The following MYT1L variants were observed in gnomAD, a reference collection of about 807,000 sequenced individuals.
MYT1L encodes the protein myelin transcription factor 1 like.
MYT1L carries 12 observed loss-of-function variants against 126.7 expected under a neutral mutation model. That is an observed-to-expected ratio of 0.09 (90% confidence interval 0.06 to 0.15). The LOEUF (loss-of-function observed/expected upper bound fraction) is 0.15. Ranked by LOEUF, MYT1L falls within the 10% of genes least tolerant of loss-of-function variation. The pLI is 1.00. For missense variants in MYT1L, 979 were observed against 1,585.2 expected, an observed-to-expected ratio of 0.62 and a Z score of 6.49; for synonymous variants, 541 against 604.2, an observed-to-expected ratio of 0.90 and a Z score of 1.53.
chr2:2,197,323 T>C (rs2092842565), intron 2 of MYT1L, among the ~76,000 whole-genome samples: 1 of 152,324 alleles, frequency 6.6e-6, no homozygotes, highest in East Asian at 1.9e-4. Context: ...CCTTGATTTA[T>C]AATTTTAAAA....
chr2:2,325,193 G>T (rs922385809), intron 1 of MYT1L: 1 of 152,148 alleles, frequency 6.6e-6, no homozygotes, highest in African/African-American at 2.4e-5. Context: ...ATTTTAGATG[G>T]CATTGCTGGT....
chr2:1,904,366 T>A (rs966205184), intron 13 of MYT1L, among the ~76,000 whole-genome samples: 2 of 151,918 alleles, frequency 1.3e-5, no homozygotes, highest in Admixed American at 1.3e-4. Context: ...AGACACATTC[T>A]TTTTTTTGTT....
chr2:2,245,783 C>T (rs762225156), intron 2 of MYT1L, among the ~76,000 whole-genome samples: 4 of 152,132 alleles, frequency 2.6e-5, no homozygotes, highest in Non-Finnish European at 5.9e-5. Context: ...AATCATCCTC[C>T]TCCATAATTC....
At chr2:2,182,712 T>A (rs1175249084) in intron 2 of MYT1L, among the ~76,000 whole-genome samples, 1 of 152,206 alleles carries the variant, frequency 6.6e-6, no homozygotes, top group East Asian at 1.9e-4. Flanking sequence ...TTGTTGTGGA[T>A]GTCTCCCTTT....
chr2:2,200,632 ATGGG>A (rs1263140065), intron 2 of MYT1L, among the ~76,000 whole-genome samples: 1 of 152,234 alleles, frequency 6.6e-6, no homozygotes, highest in Non-Finnish European at 1.5e-5. Context: ...GACATGGGCC[ATGGG>A]TGACAGCACT....
chr2:2,156,773 G>C (rs1259937568), intron 3 of MYT1L, among the ~76,000 whole-genome samples: 1 of 152,140 alleles, frequency 6.6e-6, no homozygotes, highest in African/African-American at 2.4e-5. Flanking sequence ...ATCACAAGAG[G>C]GTCCCTCCCA....
chr2:2,330,453 A>G (rs1312118187), intron 1 of MYT1L, among the ~76,000 whole-genome samples: 3 of 152,222 alleles, frequency 2.0e-5, no homozygotes, highest in Non-Finnish European at 4.4e-5. Context: ...GTTATAAATA[A>G]CATTTTCTTT....
rs185126098 is a variant in MYT1L at position 2,000,509 on chromosome 2, C to T, written c.-157-3162G>A. On this transcript the variant is annotated intron_variant, in intron 4 of 24. Coordinates refer to ENST00000647738, the MANE Select transcript of MYT1L (RefSeq NM_001303052.2). ...GAGTTGGCCTGAGTGACGGGCACTT[C>T]TCCCTGGGCTGGGCAGGTCCTGTCT... Among the ~76,000 whole-genome samples the T allele has an allele frequency of 2.5e-3, 387 of 152,322 alleles. 1 individual carries two copies. The highest frequency in any genetic ancestry group is 9.0e-3 in the African/African-American group (375 of 41,582).
chr2:1,982,241 C>T (rs34336967), intron 5 of MYT1L, among the ~76,000 whole-genome samples: 4,075 of 152,216 alleles, frequency 0.027, 74 homozygotes, highest in Non-Finnish European at 0.042. Flanking sequence ...AGGGCATTTC[C>T]CGGGGTCCCC....
chr2:2,090,884 T>A, intron 3 of MYT1L, among the ~76,000 whole-genome samples: 1 of 152,234 alleles, frequency 6.6e-6, no homozygotes, highest in Non-Finnish European at 1.5e-5. Context: ...CCTTTGCTCA[T>A]CCTTCAGAAG....
intron 3 of MYT1L, among the ~76,000 whole-genome samples, chr2:2,162,088 G>A (rs1329910968): frequency 6.6e-6 from 1 of 152,190 alleles, no homozygotes; most frequent in East Asian, 1.9e-4. Flanking sequence ...CATCTCTGCA[G>A]GAAACACAAA....
At chr2:2,106,017 C>G (rs1468643989) in intron 3 of MYT1L, among the ~76,000 whole-genome samples, 2 of 152,086 alleles carry the variant, frequency 1.3e-5, no homozygotes, top group Non-Finnish European at 2.9e-5. Context: ...AAGTCAAACA[C>G]CTTCAAATCA....
chr2:1,813,019 G>A (rs1238089330), intron 21 of MYT1L, among the ~76,000 whole-genome samples: 2 of 152,164 alleles, frequency 1.3e-5, no homozygotes, highest in Non-Finnish European at 2.9e-5. Context: ...TCCACGGTGC[G>A]TGTGGCCCAG....
At chr2:2,286,970 C>T (rs1559556694) in intron 1 of MYT1L, among the ~76,000 whole-genome samples, 1 of 152,146 alleles carries the variant, frequency 6.6e-6, no homozygotes, top group Non-Finnish European at 1.5e-5. Context: ...CAGACACACA[C>T]ACAGACAAAC....
At chr2:2,112,083 T>A (rs2079534583) in intron 3 of MYT1L, among the ~76,000 whole-genome samples, 1 of 152,232 alleles carries the variant, frequency 6.6e-6, no homozygotes, top group African/African-American at 2.4e-5. Context: ...ATGAGCGAGA[T>A]GAGCCCAGAG....
intron 3 of MYT1L, among the ~76,000 whole-genome samples, chr2:2,061,838 T>TAC (rs921301143): frequency 3.9e-5 from 6 of 152,172 alleles, no homozygotes; most frequent in Admixed American, 1.3e-4. Flanking sequence ...ATCAACCTCA[T>TAC]ACACACACAT....
chr2:2,105,967 G>T (rs979789218), intron 3 of MYT1L, among the ~76,000 whole-genome samples: 1 of 152,060 alleles, frequency 6.6e-6, no homozygotes, highest in African/African-American at 2.4e-5. Context: ...GGATAACCAG[G>T]GACTGTGCAT....
chr2:2,249,834 A>C (rs1417980004), intron 2 of MYT1L, among the ~76,000 whole-genome samples: 2 of 152,186 alleles, frequency 1.3e-5, no homozygotes, highest in Non-Finnish European at 2.9e-5. Context: ...TATAAAAAAA[A>C]CTAATAATTT....
chr2:1,965,493 A>G (rs772119097), intron 8 of MYT1L, among the ~76,000 whole-genome samples: 2 of 152,200 alleles, frequency 1.3e-5, no homozygotes, highest in Non-Finnish European at 2.9e-5. Context: ...AAAGAGGAGG[A>G]CCCAGGCACT....
Sources: allele counts gnomAD v4.1 joint callset (sites outside exome capture counted in the v4.1 genomes callset), GRCh38; gene constraint gnomAD v4.1.1; transcripts MANE v1.5; gene names NCBI Gene and HGNC (gene_info 2026-07-23, HGNC 2026-07-21).